PDGFD: variants seen among roughly 807,000 people sequenced by gnomAD.
PDGFD encodes the protein platelet-derived growth factor D.
Under a neutral mutation model 44.7 loss-of-function variants are expected in PDGFD, and 30 were observed. That is an observed-to-expected ratio of 0.67 (90% CI 0.50 to 0.91). PDGFD has a LOEUF of 0.91. Among genes scored for constraint, PDGFD ranks in the 40% least tolerant of loss-of-function variants. The probability of loss-of-function intolerance (pLI) is 0.00; values close to 1 mark genes in which losing one functional copy is unlikely to be tolerated. For synonymous variants in PDGFD, 173 were observed against 168.4 expected (o/e 1.03, Z -0.21); for missense variants, 445 against 457.8 (o/e 0.97, Z 0.25).
At position 104,063,330 on chromosome 11, in the gene PDGFD, G is replaced by GGA. The variant is rs149925266; in HGVS notation, c.125-63077_125-63076dup. Among the ~76,000 whole-genome samples, 873 of 148,466 alleles carry GGA rather than the reference G, an allele frequency of 5.9e-3. 5 individuals are homozygous for GGA. Among genetic ancestry groups the GGA allele is most frequent in the African/African-American group, 0.017 (691 of 40,498 alleles). ...GACGTGTGTGTGTGTGAGAGAGAGA[G>GGA]GAGAGAGAGAGAGAGAGAGAGAATT... On this transcript the variant is annotated intron_variant, in intron 1 of 6. Coordinates refer to ENST00000393158, the MANE Select transcript of PDGFD (RefSeq NM_025208.5).
chr11:104,144,538 A>AAAAAAAAAAAAAACC (rs1565347744), intron 1 of PDGFD, among the ~76,000 whole-genome samples: 4 of 134,224 alleles, frequency 3.0e-5, no homozygotes, highest in African/African-American at 1.2e-4. Flanking sequence ...ACCCAACAAA[A>AAAAAAAAAAAAAACC]CAAAACAAAC....
Position 104,076,354 on chromosome 11 carries a change from T to G in PDGFD, c.125-76099A>C, listed in dbSNP as rs372551504. Among the ~76,000 whole-genome samples, 19 of 152,296 alleles carry G rather than the reference T, an allele frequency of 1.2e-4. No homozygotes were observed. The South Asian group carries it at 2.1e-3, about 17-fold the overall frequency. ...CCAGGGTTGTTTATTATTAGTAGTA[T>G]TATTATTATCTAATGTGACCATATC... On this transcript the variant is annotated intron_variant, in intron 1 of 6. Transcript: ENST00000393158.
At chr11:103,938,337 C>T (rs573429827) in intron 5 of PDGFD, among the ~76,000 whole-genome samples, 1 of 152,310 alleles carries the variant, frequency 6.6e-6, no homozygotes, top group Admixed American at 6.5e-5. Context: ...TGTTTTTTGG[C>T]TGCATAAATG....
intron 1 of PDGFD, among the ~76,000 whole-genome samples, chr11:104,121,717 G>A (rs765473918): frequency 1.8e-4 from 27 of 152,002 alleles, no homozygotes; most frequent in African/African-American, 4.1e-4. Context: ...GTTAGTTTAC[G>A]GTGCATCACT....
intron 6 of PDGFD, among the ~76,000 whole-genome samples, chr11:103,915,143 G>A (rs1204478814): frequency 6.6e-6 from 1 of 152,204 alleles, no homozygotes; most frequent in Non-Finnish European, 1.5e-5. Flanking sequence ...AATAGAAAGA[G>A]AGGAAGTCAT....
At chr11:103,997,383 A>G (rs1261789733) in intron 2 of PDGFD, among the ~76,000 whole-genome samples, 1 of 152,196 alleles carries the variant, frequency 6.6e-6, no homozygotes, top group Non-Finnish European at 1.5e-5. Flanking sequence ...CATGCACCTC[A>G]GAGCTCTACT....
intron 3 of PDGFD, among the ~76,000 whole-genome samples, chr11:103,980,361 C>T (rs893959769): frequency 1.3e-5 from 2 of 152,012 alleles, no homozygotes; most frequent in Non-Finnish European, 2.9e-5. Flanking sequence ...CATCAAGAAA[C>T]TTCAAGTCCA....
intron 1 of PDGFD, among the ~76,000 whole-genome samples, chr11:104,120,847 CT>C (rs1014842894): frequency 1.3e-5 from 2 of 151,884 alleles, no homozygotes; most frequent in Admixed American, 1.3e-4. Flanking sequence ...TTTTTTCCCC[CT>C]TTGTACATGC....
intron 1 of PDGFD, among the ~76,000 whole-genome samples, chr11:104,005,086 C>T (rs1859680814): frequency 6.6e-6 from 1 of 152,016 alleles, no homozygotes. Flanking sequence ...ACCATGTTGG[C>T]CAGGCTGGTC....
intron 3 of PDGFD, among the ~76,000 whole-genome samples, chr11:103,971,978 C>A (rs1283470882): frequency 6.6e-6 from 1 of 152,140 alleles, no homozygotes; most frequent in Non-Finnish European, 1.5e-5. Context: ...GTGCAAATTT[C>A]CCTTAACTTT....
chr11:103,977,301 C>A (rs1386215532), intron 3 of PDGFD, among the ~76,000 whole-genome samples: 1 of 151,996 alleles, frequency 6.6e-6, no homozygotes, highest in Non-Finnish European at 1.5e-5. Flanking sequence ...GAAACTATCC[C>A]AAACAATTGA....
chr11:103,932,175 T>C (rs554841089), intron 5 of PDGFD, among the ~76,000 whole-genome samples: 2 of 152,074 alleles, frequency 1.3e-5, no homozygotes, highest in East Asian at 3.9e-4. Context: ...CTTACAATGG[T>C]TCAACATGAG....
intron 3 of PDGFD, among the ~76,000 whole-genome samples, chr11:103,968,824 G>A (rs1486075421): frequency 6.6e-6 from 1 of 152,160 alleles, no homozygotes; most frequent in African/African-American, 2.4e-5. Flanking sequence ...TGATAAGCAC[G>A]TAAAACCCTC....
chr11:104,006,948 T>C (rs1859711779), intron 1 of PDGFD, among the ~76,000 whole-genome samples: 1 of 152,184 alleles, frequency 6.6e-6, no homozygotes, highest in African/African-American at 2.4e-5. Flanking sequence ...AGCTGGTTAA[T>C]ACTTAAGCTG....
intron 1 of PDGFD, among the ~76,000 whole-genome samples, chr11:104,008,790 C>A (rs912106219): frequency 1.3e-5 from 2 of 151,848 alleles, no homozygotes; most frequent in Non-Finnish European, 2.9e-5. Context: ...TCAATGTAAC[C>A]CCAGTATATT....
At chr11:104,135,296 G>A (rs1361077132) in intron 1 of PDGFD, among the ~76,000 whole-genome samples, 1 of 152,174 alleles carries the variant, frequency 6.6e-6, no homozygotes, top group African/African-American at 2.4e-5. Flanking sequence ...GCCAAATGCA[G>A]GGGCACCTAT....
At chr11:104,060,669 T>C (rs993453114) in intron 1 of PDGFD, among the ~76,000 whole-genome samples, 3 of 152,200 alleles carry the variant, frequency 2.0e-5, no homozygotes, top group African/African-American at 7.2e-5. Context: ...ATCTTTTTAC[T>C]AAATGAATGA....
At chr11:104,063,525 T>C (rs1360383902) in intron 1 of PDGFD, among the ~76,000 whole-genome samples, 3 of 152,156 alleles carry the variant, frequency 2.0e-5, no homozygotes, top group Non-Finnish European at 4.4e-5. Context: ...AGTAGGTGTA[T>C]ACCTCAAGGG....
intron 1 of PDGFD, among the ~76,000 whole-genome samples, chr11:104,050,948 C>T (rs1361119422): frequency 6.6e-6 from 1 of 152,168 alleles, no homozygotes; most frequent in Non-Finnish European, 1.5e-5. Flanking sequence ...ACTCTTGCCT[C>T]CTAGACTGAT....
Sources: allele counts gnomAD v4.1 joint callset (sites outside exome capture counted in the v4.1 genomes callset), GRCh38; gene constraint gnomAD v4.1.1; transcripts MANE v1.5; gene names NCBI Gene and HGNC (gene_info 2026-07-23, HGNC 2026-07-21).